TBX15: variants seen among roughly 807,000 people sequenced by gnomAD.
TBX15 encodes T-box transcription factor TBX15.
Under a neutral mutation model 53.9 loss-of-function variants are expected in TBX15, and 18 were observed. The ratio of observed to expected loss-of-function variants is 0.33; its 90% confidence interval spans 0.23 to 0.49. The LOEUF (loss-of-function observed/expected upper bound fraction) is 0.49. Among genes scored for constraint, TBX15 ranks in the 20% least tolerant of loss-of-function variants. TBX15 has a pLI of 0.98. For missense variants in TBX15, 692 were observed against 749.5 expected, an observed-to-expected ratio of 0.92 and a Z score of 0.90; for synonymous variants, 295 against 278.0, an observed-to-expected ratio of 1.06 and a Z score of -0.61.
chr1:118,904,189 C>A (rs1011303607), intron 6 of TBX15, among the ~76,000 whole-genome samples: 5 of 152,084 alleles, frequency 3.3e-5, no homozygotes, highest in African/African-American at 1.2e-4. Flanking sequence ...ATGGGTGGTG[C>A]TATGCCTCTG....
intron 1 of TBX15, among the ~76,000 whole-genome samples, chr1:118,947,229 GAGA>G (rs1233048699): frequency 2.0e-5 from 3 of 152,230 alleles, no homozygotes; most frequent in Non-Finnish European, 4.4e-5. Context: ...GCCTGCCCAT[GAGA>G]AGAACATTTT....
chr1:118,969,140 G>A lies in TBX15; in HGVS notation c.205+18451C>T, dbSNP rs1657149365. ...TGTTCCTTAGCATCGTGGACAAATGGACTCATTCCCTGTACCTACTGAGCT... is the reference window on the plus strand; with the variant it reads ...TGTTCCTTAGCATCGTGGACAAATGAACTCATTCCCTGTACCTACTGAGCT... On this transcript the variant is annotated intron_variant, in intron 1 of 7. Transcript: ENST00000369429. Among the ~76,000 whole-genome samples, 3 of 152,146 alleles carry A rather than the reference G, an allele frequency of 2.0e-5. No homozygotes were observed. The South Asian group carries it at 6.2e-4, about 32-fold the overall frequency.
chr1:118,922,976 T>A (rs780323622), intron 5 of TBX15, among the ~76,000 whole-genome samples: 1 of 151,858 alleles, frequency 6.6e-6, no homozygotes, highest in Non-Finnish European at 1.5e-5. Context: ...AAGTCTATAA[T>A]CAGTTATCCA....
intron 1 of TBX15, among the ~76,000 whole-genome samples, chr1:118,934,174 A>AG (rs531112472): frequency 2.6e-5 from 4 of 152,086 alleles, no homozygotes; most frequent in Admixed American, 2.0e-4. Context: ...ATTTAACCAC[A>AG]GGGGGGGCCT....
chr1:118,901,357 C>T, intron 6 of TBX15: 1 of 456,542 alleles, frequency 2.2e-6, no homozygotes, highest in Non-Finnish European at 4.4e-6. Flanking sequence ...TGTTAATTAG[C>T]CATTCATGGG....
intron 1 of TBX15, among the ~76,000 whole-genome samples, chr1:118,964,539 T>C (rs1275137833): frequency 1.3e-5 from 2 of 152,234 alleles, no homozygotes; most frequent in Non-Finnish European, 2.9e-5. Context: ...CTTGAAAACT[T>C]CCAGGGGCTC....
intron 3 of TBX15, 128 bp from the exon 4 acceptor site, chr1:118,924,945 G>T: frequency 1.0e-6 from 1 of 977,700 alleles, no homozygotes; most frequent in Non-Finnish European, 1.6e-6. Context: ...GAAGTAATGG[G>T]AAAGAAACAG....
At chr1:118,940,692 A>G (rs1295866963) in intron 1 of TBX15, among the ~76,000 whole-genome samples, 1 of 151,174 alleles carries the variant, frequency 6.6e-6, no homozygotes, top group Non-Finnish European at 1.5e-5. Context: ...TTAACATATA[A>G]GATTCTACGC....
At chr1:118,923,754 C>A in intron 4 of TBX15, 151 bp from the exon 5 acceptor site, 1 of 868,006 alleles carries the variant, frequency 1.2e-6, no homozygotes, top group Non-Finnish European at 1.9e-6. Context: ...TATACTTGCC[C>A]AGGAAGAACT....
intron 1 of TBX15, among the ~76,000 whole-genome samples, chr1:118,972,067 A>G (rs1657250888): frequency 6.6e-6 from 1 of 152,212 alleles, no homozygotes; most frequent in South Asian, 2.1e-4. Context: ...CACCTTTGAG[A>G]GTTGCAGAAT....
intron 5 of TBX15, 97 bp from the exon 6 acceptor site, chr1:118,914,276 T>C (rs1571169440): frequency 8.9e-7 from 1 of 1,126,430 alleles, no homozygotes; most frequent in East Asian, 2.5e-5. Context: ...TTAATAACAG[T>C]TGTTGCTTTT....
At chr1:118,942,536 G>A (rs1656215507) in intron 1 of TBX15, among the ~76,000 whole-genome samples, 1 of 152,142 alleles carries the variant, frequency 6.6e-6, no homozygotes, top group Non-Finnish European at 1.5e-5. Flanking sequence ...TTAATTGCAT[G>A]ACATGTTCCC....
In TBX15 at chr1:118,893,068, G is replaced by A. The variant is rs1424705535; in HGVS notation, c.1024+5960C>T. Among the ~76,000 whole-genome samples, 29 of 151,648 alleles carry A rather than the reference G, an allele frequency of 1.9e-4. 1 individual carries two copies. The highest frequency in any genetic ancestry group is 1.8e-3 in the Admixed American group (28 of 15,212). ...AGCATGGCCAGCATGGTGAAACCAC[G>A]TCTCTACAAAAAATACAAAAATTAG... On this transcript the variant is annotated intron_variant, in intron 7 of 7. Coordinates refer to ENST00000369429, the MANE Select transcript of TBX15 (RefSeq NM_001330677.2).
At chr1:118,937,748 C>G (rs1656013884) in intron 1 of TBX15, among the ~76,000 whole-genome samples, 1 of 152,196 alleles carries the variant, frequency 6.6e-6, no homozygotes, top group Non-Finnish European at 1.5e-5. Flanking sequence ...ATTCATCTTA[C>G]TTTCTTTTCT....
intron 1 of TBX15, among the ~76,000 whole-genome samples, chr1:118,946,856 C>A (rs1284066025): frequency 6.6e-6 from 1 of 152,182 alleles, no homozygotes; most frequent in South Asian, 2.1e-4. Context: ...TGAATGAAAA[C>A]GTGGCTTTTC....
At chr1:118,930,870 A>C (rs1272057279) in intron 2 of TBX15, among the ~76,000 whole-genome samples, 1 of 152,224 alleles carries the variant, frequency 6.6e-6, no homozygotes, top group African/African-American at 2.4e-5. Flanking sequence ...TGCCTTAGCC[A>C]AGCTAATTAA....
intron 1 of TBX15, among the ~76,000 whole-genome samples, chr1:118,983,105 GGA>G (rs1462617719): frequency 6.6e-6 from 1 of 152,176 alleles, no homozygotes; most frequent in African/African-American, 2.4e-5. Context: ...GGCAGCAAAA[GGA>G]GAGACCCGCA....
In TBX15 at chr1:118,987,717, T is replaced by C. The variant is rs1485130177; in HGVS notation, c.79A>G (p.Asn27Asp). The C allele has an allele frequency of 1.3e-6, 2 of 1,550,308 alleles. No individual in the cohort carries two copies. The highest frequency in any genetic ancestry group is 2.0e-5 in the Admixed American group (1 of 50,988). ...CAGTCTCGCAGTTTCCGTTTTTTAT[T>C]TGAGCCGATCAAGGCTTCAACGGAG... ...AFSVEALIGS[N>D]KKRKLRDWEE... The change falls in exon 1 of 8, where the codon AAT becomes GAT. Residue 27 changes from asparagine (N) to aspartate (D), a missense_variant. Around this residue, in one of 3 missense-constraint regions of TBX15, gnomAD observed 307 missense variants for 347.5 expected, o/e 0.88. Transcript: ENST00000369429.
intron 7 of TBX15, among the ~76,000 whole-genome samples, chr1:118,893,197 C>T (rs1654213357): frequency 6.7e-6 from 1 of 148,982 alleles, no homozygotes; most frequent in African/African-American, 2.5e-5. Flanking sequence ...CGAGATGGTA[C>T]CACTGCACTC....
Sources: allele counts gnomAD v4.1 joint callset (sites outside exome capture counted in the v4.1 genomes callset), GRCh38; gene constraint gnomAD v4.1.1; regional missense constraint gnomAD v4.1.1; transcripts MANE v1.5; gene names NCBI Gene and HGNC (gene_info 2026-07-23, HGNC 2026-07-21).